The following SPRED1 variants were observed in gnomAD, a reference collection of about 807,000 sequenced individuals.
SPRED1 encodes sprouty related EVH1 domain containing 1.
A neutral mutation model predicts 52.3 loss-of-function variants in SPRED1; 18 were observed. The ratio of observed to expected loss-of-function variants is 0.34; its 90% CI spans 0.24 to 0.51. SPRED1 has a LOEUF of 0.51. SPRED1 is among the 20% of genes least tolerant of loss of function. SPRED1 has a pLI of 0.97. For missense variants in SPRED1, 485 were observed against 551.0 expected (o/e 0.88, Z 1.20); for synonymous variants, 155 against 179.7 (o/e 0.86, Z 1.10).
intron 2 of SPRED1, among the ~76,000 whole-genome samples, chr15:38,307,369 G>T (rs1316040687): frequency 6.6e-6 from 1 of 152,144 alleles, no homozygotes; most frequent in Non-Finnish European, 1.5e-5. Context: ...GGAAGTCCAA[G>T]GTATTGGCCA....
At chr15:38,284,856 AT>A (rs75465161) in intron 1 of SPRED1, among the ~76,000 whole-genome samples, 394 of 147,516 alleles carry the variant, frequency 2.7e-3, no homozygotes, top group African/African-American at 5.2e-3. Context: ...TTCATCTGGG[AT>A]TTTTTTTTTT....
chr15:38,314,671 A>G (rs1480067863), intron 2 of SPRED1, among the ~76,000 whole-genome samples: 1 of 151,948 alleles, frequency 6.6e-6, no homozygotes, highest in South Asian at 2.1e-4. Flanking sequence ...TCCAGTTACT[A>G]TCTTTTTGAG....
At chr15:38,350,241 C>T (rs986181230) in intron 6 of SPRED1, among the ~76,000 whole-genome samples, 2 of 152,170 alleles carry the variant, frequency 1.3e-5, no homozygotes, top group Admixed American at 1.3e-4. Context: ...TTCTTCTTGG[C>T]TTGCAGGTAG....
chr15:38,340,901 TTTC>T (rs1466654652), intron 5 of SPRED1, among the ~76,000 whole-genome samples: 1 of 152,172 alleles, frequency 6.6e-6, no homozygotes, highest in Non-Finnish European at 1.5e-5. Context: ...TTGGACAGTA[TTTC>T]TTTTTTGCAT....
chr15:38,280,687 C>A (rs1242637258), intron 1 of SPRED1, among the ~76,000 whole-genome samples: 5 of 152,158 alleles, frequency 3.3e-5, no homozygotes, highest in Non-Finnish European at 2.9e-5. Flanking sequence ...GATCAGCAAA[C>A]TGTTTTCTTT....
chr15:38,300,159 A>G (rs984252124), intron 2 of SPRED1, among the ~76,000 whole-genome samples: 3 of 152,048 alleles, frequency 2.0e-5, no homozygotes, highest in African/African-American at 7.2e-5. Flanking sequence ...TCTTACCTGT[A>G]TACATTTTAA....
chr15:38,336,933 A>G (rs1895936769), intron 4 of SPRED1, among the ~76,000 whole-genome samples: 1 of 152,176 alleles, frequency 6.6e-6, no homozygotes, highest in Non-Finnish European at 1.5e-5. Flanking sequence ...AAAACTAGTG[A>G]AATAAAAAAC....
intron 1 of SPRED1, among the ~76,000 whole-genome samples, chr15:38,260,180 G>A (rs549669019): frequency 6.6e-6 from 1 of 152,312 alleles, no homozygotes; most frequent in South Asian, 2.1e-4. Context: ...AATTACTAAA[G>A]GTCCAAAATC....
chr15:38,263,281 T>G (rs1236774643), intron 1 of SPRED1, among the ~76,000 whole-genome samples: 1 of 152,170 alleles, frequency 6.6e-6, no homozygotes. Context: ...TTGATCTTTT[T>G]TAGTCTGGGT....
intron 1 of SPRED1, chr15:38,283,412 G>A (rs1474121449): frequency 3.7e-6 from 2 of 538,240 alleles, no homozygotes; most frequent in African/African-American, 4.1e-5. Flanking sequence ...GAGGTATAGG[G>A]AATAATGTGA....
At chr15:38,265,289 A>G (rs1894286067) in intron 1 of SPRED1, among the ~76,000 whole-genome samples, 1 of 152,136 alleles carries the variant, frequency 6.6e-6, no homozygotes, top group African/African-American at 2.4e-5. Flanking sequence ...TCTCCCTACA[A>G]TAACATTTTT....
At chr15:38,270,624 G>A (rs976210202) in intron 1 of SPRED1, among the ~76,000 whole-genome samples, 1 of 152,072 alleles carries the variant, frequency 6.6e-6, no homozygotes, top group Non-Finnish European at 1.5e-5. Flanking sequence ...CAAACAACTA[G>A]ATGATCTGAG....
At chr15:38,316,851 C>CAT (rs1895498362) in intron 2 of SPRED1, among the ~76,000 whole-genome samples, 1 of 133,296 alleles carries the variant, frequency 7.5e-6, no homozygotes, top group Non-Finnish European at 1.5e-5. Context: ...AATAATAAAA[C>CAT]ATTAATTTGT....
chr15:38,265,165 G>C (rs1370792096), intron 1 of SPRED1, among the ~76,000 whole-genome samples: 1 of 152,094 alleles, frequency 6.6e-6, no homozygotes, highest in Non-Finnish European at 1.5e-5. Flanking sequence ...ACTGCTGACT[G>C]TAGCATTAAG....
intron 1 of SPRED1, among the ~76,000 whole-genome samples, chr15:38,288,416 C>CAATA (rs1261461059): frequency 2.0e-5 from 3 of 151,858 alleles, no homozygotes; most frequent in Non-Finnish European, 4.4e-5. Context: ...GGAGGACAGA[C>CAATA]AATAAATAAA....
chr15:38,316,633 A>T (rs1440529985), intron 2 of SPRED1, among the ~76,000 whole-genome samples: 1 of 151,760 alleles, frequency 6.6e-6, no homozygotes, highest in East Asian at 1.9e-4. Flanking sequence ...ATTGTACTCC[A>T]ACCTGGCCAG....
Position 38,356,716 on chromosome 15 carries a change from T to G in SPRED1, c.*5052T>G, listed in dbSNP as rs935070534. The stretch of plus-strand genomic sequence containing the variant: ...CATGTTGCAGCTAAGCTAATGACCT[T>G]AAGTGGCAATTGTTTAACCCAGGAC... On this transcript the variant is annotated 3_prime_UTR_variant, in exon 7 of 7. Coordinates refer to ENST00000299084, the MANE Select transcript of SPRED1 (RefSeq NM_152594.3). 6.6e-6 allele frequency: 1 copy of G among 152,022 alleles called. No individual in the cohort carries two copies. The highest frequency in any genetic ancestry group is 3.2e-3 in the Middle Eastern group (1 of 316). The allele number at this position is 152,022 out of a possible 1,614,324, so 9.4% of individuals were successfully genotyped here.
intron 1 of SPRED1, among the ~76,000 whole-genome samples, chr15:38,279,794 G>T (rs1894648845): frequency 6.6e-6 from 1 of 152,196 alleles, no homozygotes; most frequent in Non-Finnish European, 1.5e-5. Context: ...GACATTAAAA[G>T]TTCCTAATGT....
chr15:38,272,081 TTTG>T (rs1190691576), intron 1 of SPRED1, among the ~76,000 whole-genome samples: 1 of 151,984 alleles, frequency 6.6e-6, no homozygotes, highest in Non-Finnish European at 1.5e-5. Flanking sequence ...AGGACATGAT[TTTG>T]TTCTTCTTTG....
Sources: gnomAD v4.1 joint callset for allele counts (sites outside exome capture counted in the v4.1 genomes callset) on GRCh38, gnomAD v4.1.1 for gene constraint, MANE v1.5 for transcripts, NCBI Gene and HGNC (gene_info 2026-07-23, HGNC 2026-07-21) for gene names.